The following UNC13C variants were observed in gnomAD, a reference collection of about 807,000 sequenced individuals.
UNC13C encodes the protein unc-13 homolog C.
In UNC13C, 174 loss-of-function variants were observed where a neutral mutation model predicts 245.4. That is an observed-to-expected ratio of 0.71 (90% CI 0.63 to 0.80). The LOEUF (loss-of-function observed/expected upper bound fraction) is 0.80, where lower values mean the gene tolerates loss of function less well. Ranked by LOEUF, UNC13C falls within the 30% of genes least tolerant of loss-of-function variation. The pLI is 0.00. For synonymous variants in UNC13C, 992 were observed against 895.1 expected (o/e 1.11, Z -1.93); for missense variants, 2,829 against 2,602.9 (o/e 1.09, Z -1.89).
At chr15:54,622,955 G>A (rs1312135275) in intron 31 of UNC13C, among the ~76,000 whole-genome samples, 2 of 151,966 alleles carry the variant, frequency 1.3e-5, no homozygotes, top group African/African-American at 4.8e-5. Flanking sequence ...CAAAACTAGG[G>A]CTGCCCAATA....
At chr15:54,208,128 T>G (rs2034771957) in intron 4 of UNC13C, among the ~76,000 whole-genome samples, 1 of 151,990 alleles carries the variant, frequency 6.6e-6, no homozygotes, top group Non-Finnish European at 1.5e-5. Flanking sequence ...GCATGACACA[T>G]GGTGAGAGCA....
chr15:54,525,602 G>A lies in UNC13C; in HGVS notation c.5511G>A (p.Gly1837=). 1 of 1,613,048 alleles carries A rather than the reference G, an allele frequency of 6.2e-7. No homozygotes were observed. The highest frequency in any genetic ancestry group is 8.5e-7 in the Non-Finnish European group (1 of 1,179,572). Residue 1837 remains glycine (G), a synonymous_variant, in exon 25 of 33, where the codon GGG becomes GGA. Transcript: ENST00000260323. ...ILKELQVKLS[G]VLDELSVTYG... Reference sequence around the variant, plus strand: ...AAGAACTTCAGGTTAAGCTCAGTGGGGTCCTGGATGAGCTCAGCGTCACTT... The same window carrying A: ...AAGAACTTCAGGTTAAGCTCAGTGGAGTCCTGGATGAGCTCAGCGTCACTT...
intron 4 of UNC13C, among the ~76,000 whole-genome samples, chr15:54,162,398 A>G (rs907043947): frequency 6.6e-6 from 1 of 152,186 alleles, no homozygotes; most frequent in African/African-American, 2.4e-5. Context: ...GCATTCAAAG[A>G]GAATACCTGG....
In UNC13C at chr15:54,138,953, A is replaced by ATTTTTTT. The variant is rs56255946; in HGVS notation, c.2984-4046_2984-4040dup. 4.3e-3 allele frequency among the ~76,000 whole-genome samples: 207 copies of ATTTTTTT among 48,610 alleles called. 50 individuals carry two copies. The highest frequency in any genetic ancestry group is 0.012 in the African/African-American group (150 of 12,738). 31.9% of individuals were successfully genotyped at this position (48,610 alleles called of 152,430 possible). A position where few individuals can be genotyped will look rare whatever the true frequency, so the allele number is the denominator to read the frequency against. On this transcript the variant is annotated intron_variant, in intron 2 of 32. Coordinates refer to ENST00000260323, the MANE Select transcript of UNC13C (RefSeq NM_001080534.3). ...TGCATATATCTCCAAATTTCCCCTA[A>ATTTTTTT]TTTTTTTTTTTTTTTTTTTTTTTTT... is the stretch of plus-strand genomic sequence containing the variant.
At chr15:53,932,969 G>A in the UNC13C span, among the ~76,000 whole-genome samples, 1 of 152,100 alleles carries the variant, frequency 6.6e-6, no homozygotes. Context: ...ATTCTGGTTG[G>A]CACTGTCATC....
At chr15:53,853,039 A>G in the UNC13C span, among the ~76,000 whole-genome samples, 1 of 151,850 alleles carries the variant, frequency 6.6e-6, no homozygotes. Context: ...TTTAAGTACA[A>G]TGGTACATGT....
chr15:54,415,798 G>T (rs1340867388), intron 19 of UNC13C, among the ~76,000 whole-genome samples: 1 of 152,148 alleles, frequency 6.6e-6, no homozygotes, highest in Non-Finnish European at 1.5e-5. Context: ...TGCAGAGGAG[G>T]ACTACAAGAA....
intron 32 of UNC13C, among the ~76,000 whole-genome samples, chr15:54,626,255 G>T (rs1566947175): frequency 6.6e-6 from 1 of 151,980 alleles, no homozygotes; most frequent in African/African-American, 2.4e-5. Context: ...TGTTACCATA[G>T]GAAAGAATCG....
chr15:54,461,409 T>C (rs1310005258), intron 19 of UNC13C, among the ~76,000 whole-genome samples: 3 of 152,208 alleles, frequency 2.0e-5, no homozygotes, highest in Non-Finnish European at 4.4e-5. Context: ...AAGGGATATT[T>C]AACCTGTATA....
At chr15:53,955,948 G>C in the UNC13C span, 2 of 152,338 alleles carry the variant, frequency 1.3e-5, no homozygotes, top group African/African-American at 4.8e-5. Flanking sequence ...CAGTAGTGGA[G>C]TGGATGAAGA....
intron 30 of UNC13C, among the ~76,000 whole-genome samples, chr15:54,617,609 T>C (rs1760371970): frequency 6.6e-6 from 1 of 152,078 alleles, no homozygotes; most frequent in South Asian, 2.1e-4. Flanking sequence ...TTGTAGCCAT[T>C]ATTGTTATCA....
At position 54,014,950 on chromosome 15, in the gene UNC13C, C is replaced by G. The variant is rs376158849; in HGVS notation, c.2047C>G (p.Leu683Val). Residue 683 changes from leucine to valine, a missense_variant, in exon 2 of 33, where the codon CTT (leucine) becomes GTT (valine). By Grantham distance (32) the Leu-to-Val change is conservative. Coordinates refer to ENST00000260323, the MANE Select transcript of UNC13C (RefSeq NM_001080534.3). ...QEGFDYETNSLFDQQLDVYNK... is the reference protein window; with the variant it reads ...QEGFDYETNSVFDQQLDVYNK... ...AGGTTTTGATTATGAAACAAACAGT[C>G]TTTTTGACCAACAGCTTGATGTTTA... 3.7e-6 allele frequency: 6 copies of G among 1,613,732 alleles called. 1 individual carries two copies. Among genetic ancestry groups the G allele is most frequent in the Admixed American group, 1.7e-5 (1 of 59,944 alleles).
intron 17 of UNC13C, among the ~76,000 whole-genome samples, chr15:54,365,739 C>T (rs1416808895): frequency 1.3e-5 from 2 of 150,542 alleles, no homozygotes; most frequent in Non-Finnish European, 2.9e-5. Flanking sequence ...ACTGGCACTG[C>T]TCCCCGCTCA....
chr15:54,334,501 G>A (rs1290924402), intron 16 of UNC13C, among the ~76,000 whole-genome samples: 1 of 151,988 alleles, frequency 6.6e-6, no homozygotes, highest in East Asian at 1.9e-4. Context: ...ACAGTATTAC[G>A]ATGCTTATTC....
rs188652124 is a variant in UNC13C, at chr15:54,593,425, A to G, written c.6106+25478A>G. Reference sequence around the variant, plus strand: ...ATGTTTTCCAAGCTTTTAGAATTGAATTATTCCTCAAGAACACCAATTATT... The same window carrying G: ...ATGTTTTCCAAGCTTTTAGAATTGAGTTATTCCTCAAGAACACCAATTATT... On this transcript the variant is annotated intron_variant, in intron 30 of 32. Transcript: ENST00000260323. 2.6e-5 allele frequency among the ~76,000 whole-genome samples: 4 copies of G among 152,242 alleles called. No individual in the cohort carries two copies. In the East Asian group the frequency reaches 7.7e-4, roughly 29 times the overall value.
intron 19 of UNC13C, among the ~76,000 whole-genome samples, chr15:54,457,588 C>A (rs1567291540): frequency 6.6e-6 from 1 of 151,928 alleles, no homozygotes; most frequent in African/African-American, 2.4e-5. Context: ...TCTATTTTTT[C>A]CTGGTTTAAT....
intron 18 of UNC13C, 52 bp downstream of exon 18, chr15:54,393,233 T>G: frequency 7.0e-7 from 1 of 1,419,960 alleles, no homozygotes; most frequent in Non-Finnish European, 9.3e-7. Flanking sequence ...AAAGTTCAAA[T>G]AATACATATT....
the UNC13C span, chr15:53,948,421 C>G: frequency 1.3e-5 from 2 of 152,082 alleles, no homozygotes; most frequent in Non-Finnish European, 2.9e-5. Context: ...TTGAGACCAG[C>G]TTGACCAACA....
chr15:54,337,975 G>A (rs762520544), intron 16 of UNC13C, among the ~76,000 whole-genome samples: 15 of 151,900 alleles, frequency 9.9e-5, no homozygotes, highest in East Asian at 1.9e-4. Context: ...TATATTTTAC[G>A]TATTTATTTT....
Sources: gnomAD v4.1 joint callset for allele counts (sites outside exome capture counted in the v4.1 genomes callset) on GRCh38, gnomAD v4.1.1 for gene constraint, MANE v1.5 for transcripts, NCBI Gene and HGNC (gene_info 2026-07-23, HGNC 2026-07-21) for gene names.